The following AGBL4 variants were observed in gnomAD, a reference collection of about 807,000 sequenced individuals.
The protein encoded by AGBL4 is cytosolic carboxypeptidase 6.
In AGBL4, 58 loss-of-function variants were observed where a neutral mutation model predicts 66.4. The observed-to-expected ratio is 0.87, with a 90% CI of 0.71 to 1.09. AGBL4 has a LOEUF of 1.09. AGBL4 is among the 50% of genes least tolerant of loss of function. The pLI is 0.00. For synonymous variants in AGBL4, 234 were observed against 222.9 expected (o/e 1.05, Z -0.44); for missense variants, 579 against 631.0 (o/e 0.92, Z 0.88).
At chr1:50,015,250 G>A (rs952357349) in intron 1 of AGBL4, among the ~76,000 whole-genome samples, 6 of 152,106 alleles carry the variant, frequency 3.9e-5, no homozygotes, top group East Asian at 1.9e-4. Context: ...TCAGGGAACC[G>A]TTCTCTGGCC....
At chr1:49,773,794 T>C (rs1644125806) in intron 2 of AGBL4, among the ~76,000 whole-genome samples, 1 of 152,210 alleles carries the variant, frequency 6.6e-6, no homozygotes, top group Non-Finnish European at 1.5e-5. Flanking sequence ...GGTCCAGTTC[T>C]CAAGCCAAGA....
At chr1:48,548,168 T>A (rs1000931331) in intron 11 of AGBL4, among the ~76,000 whole-genome samples, 1 of 152,112 alleles carries the variant, frequency 6.6e-6, no homozygotes, top group African/African-American at 2.4e-5. Context: ...GTGTAAATTA[T>A]ATAGAATGCT....
rs745906659 is a variant in AGBL4, at chr1:48,950,990, T to C, written c.595-83760A>G. ...GAACCTCAAAAATCCAGATAAAAAA[T>C]GTCTAAGTAAACTAATATCATATAA... On this transcript the variant is annotated intron_variant, in intron 5 of 13. Coordinates refer to ENST00000371839, the MANE Select transcript of AGBL4 (RefSeq NM_032785.4). 2.9e-4 allele frequency among the ~76,000 whole-genome samples: 44 copies of C among 152,200 alleles called. 1 individual carries two copies. Among genetic ancestry groups the C allele is most frequent in the Non-Finnish European group, 1.0e-4 (7 of 68,030 alleles).
chr1:48,704,853 T>C (rs1348693156), intron 6 of AGBL4, among the ~76,000 whole-genome samples: 1 of 152,248 alleles, frequency 6.6e-6, no homozygotes, highest in Non-Finnish European at 1.5e-5. Flanking sequence ...GTGTAGGAAG[T>C]ACATAAGCCA....
chr1:49,315,044 T>A (rs1645014179), intron 3 of AGBL4, among the ~76,000 whole-genome samples: 1 of 151,976 alleles, frequency 6.6e-6, no homozygotes, highest in African/African-American at 2.4e-5. Context: ...AGCATGGTAC[T>A]GGTACCAAAA....
intron 4 of AGBL4, among the ~76,000 whole-genome samples, chr1:49,160,269 G>A (rs1399648875): frequency 2.0e-5 from 3 of 152,176 alleles, no homozygotes; most frequent in Non-Finnish European, 2.9e-5. Flanking sequence ...TTTTGTTGAT[G>A]TTGATGCTAT....
chr1:49,936,321 G>C (rs1050732722), intron 1 of AGBL4, among the ~76,000 whole-genome samples: 1 of 152,178 alleles, frequency 6.6e-6, no homozygotes. Flanking sequence ...AAGCCTCCAA[G>C]AAATATGGGA....
At chr1:49,082,087 A>G (rs1644819134) in intron 4 of AGBL4, among the ~76,000 whole-genome samples, 1 of 152,242 alleles carries the variant, frequency 6.6e-6, no homozygotes, top group South Asian at 2.1e-4. Context: ...TGTGTTCAAC[A>G]TAAATGAAAG....
chr1:49,068,730 C>G (rs185838373), intron 4 of AGBL4, among the ~76,000 whole-genome samples: 76 of 152,256 alleles, frequency 5.0e-4, no homozygotes, highest in African/African-American at 1.6e-3. Context: ...ATTTATAATC[C>G]TTTGGGTATA....
intron 4 of AGBL4, among the ~76,000 whole-genome samples, chr1:49,117,960 G>A (rs925587575): frequency 2.0e-5 from 3 of 152,022 alleles, no homozygotes; most frequent in African/African-American, 4.8e-5. Flanking sequence ...GGATTCCTAG[G>A]TATTTTATTC....
intron 6 of AGBL4, among the ~76,000 whole-genome samples, chr1:48,827,261 C>T (rs953928342): frequency 1.3e-5 from 2 of 152,120 alleles, no homozygotes; most frequent in African/African-American, 2.4e-5. Context: ...GAGCAGGTCT[C>T]GATATAGCCA....
chr1:49,502,791 G>A (rs1336333795), intron 3 of AGBL4, among the ~76,000 whole-genome samples: 3 of 152,080 alleles, frequency 2.0e-5, no homozygotes, highest in Non-Finnish European at 4.4e-5. Context: ...TTGAACTTAG[G>A]AGAGATGATT....
At chr1:49,869,312 C>G (rs561875010) in intron 1 of AGBL4, among the ~76,000 whole-genome samples, 1 of 152,262 alleles carries the variant, frequency 6.6e-6, no homozygotes, top group Admixed American at 6.5e-5. Flanking sequence ...CATTGCAGCA[C>G]TATTCACAAG....
chr1:48,736,599 T>G lies in AGBL4; in HGVS notation c.635-73358A>C, dbSNP rs1649097176. ...TAACTCTCTTTAAGGGTAATCGTAATAGCTATCATCTACTGAATACGTGTA... is the reference window on the plus strand; with the variant it reads ...TAACTCTCTTTAAGGGTAATCGTAAGAGCTATCATCTACTGAATACGTGTA... On this transcript the variant is annotated intron_variant, in intron 6 of 13. Transcript: ENST00000371839. This position sits in a 1 kb window ranked among gnomAD's most constrained non-coding sequence, Gnocchi z 4.0. 2.8e-6 allele frequency: 2 copies of G among 702,026 alleles called. No individual in the cohort carries two copies. The highest frequency in any genetic ancestry group is 3.6e-5 in the African/African-American group (2 of 55,834). The allele number at this position is 702,026 out of a possible 1,614,324, so 43.5% of individuals were successfully genotyped here. A position where few individuals can be genotyped will look rare whatever the true frequency, so the allele number is the denominator to read the frequency against.
intron 4 of AGBL4, among the ~76,000 whole-genome samples, chr1:49,236,437 C>T (rs1341141973): frequency 1.3e-5 from 2 of 152,138 alleles, no homozygotes; most frequent in Non-Finnish European, 2.9e-5. Flanking sequence ...GTCTCAGATC[C>T]TTCTGGGATT....
At chr1:49,018,496 A>G (rs1169432036) in intron 5 of AGBL4, among the ~76,000 whole-genome samples, 1 of 152,200 alleles carries the variant, frequency 6.6e-6, no homozygotes, top group African/African-American at 2.4e-5. Flanking sequence ...GAGGAGAAGC[A>G]CTATGTCACC....
chr1:48,540,528 G>A (rs540182228), intron 11 of AGBL4, among the ~76,000 whole-genome samples: 2 of 152,080 alleles, frequency 1.3e-5, no homozygotes, highest in East Asian at 3.9e-4. Flanking sequence ...CTCTAATGAG[G>A]TGATATCTCT....
chr1:49,877,668 C>A (rs1419390974), intron 1 of AGBL4, among the ~76,000 whole-genome samples: 3 of 152,010 alleles, frequency 2.0e-5, no homozygotes, highest in Non-Finnish European at 4.4e-5. Flanking sequence ...ATGATGCTGG[C>A]CTCATCAAAT....
At chr1:49,957,758 C>T (rs116533850) in intron 1 of AGBL4, among the ~76,000 whole-genome samples, 2 of 152,024 alleles carry the variant, frequency 1.3e-5, no homozygotes, top group Admixed American at 6.6e-5. Context: ...GTGTGTCCTG[C>T]ACTTGAGATG....
Sources: gnomAD v4.1 joint callset for allele counts (sites outside exome capture counted in the v4.1 genomes callset) on GRCh38, gnomAD v4.1.1 for gene constraint, Gnocchi (gnomAD v3.1) non-coding constraint, MANE v1.5 for transcripts, NCBI Gene and HGNC (gene_info 2026-07-23, HGNC 2026-07-21) for gene names.